NCOA1: variants seen among roughly 807,000 people sequenced by gnomAD.
NCOA1 encodes the protein nuclear receptor coactivator 1, also known as Hin-2 protein.
Under a neutral mutation model 150.9 loss-of-function variants are expected in NCOA1, and 35 were observed. The observed-to-expected ratio is 0.23, with a 90% CI of 0.18 to 0.31. The LOEUF is 0.31. NCOA1 is among the 10% of genes least tolerant of loss of function. The pLI, the probability that NCOA1 is intolerant of heterozygous loss-of-function variation, is 1.00. For synonymous variants in NCOA1, 590 were observed against 630.0 expected, an observed-to-expected ratio of 0.94 and a Z score of 0.95; for missense variants, 1,491 against 1,749.3, an observed-to-expected ratio of 0.85 and a Z score of 2.63.
intron 1 of NCOA1, among the ~76,000 whole-genome samples, chr2:24,521,984 C>T (rs914420794): frequency 6.6e-6 from 1 of 152,098 alleles, no homozygotes; most frequent in African/African-American, 2.4e-5. Flanking sequence ...CCCCTTCCTT[C>T]CCTATTCTCC....
chr2:24,731,186 T>C (rs17046499), intron 17 of NCOA1, among the ~76,000 whole-genome samples: 11,342 of 152,228 alleles, frequency 0.075, 510 homozygotes, highest in African/African-American at 0.12. Flanking sequence ...CCTGGAGACT[T>C]ACTAATTCAG....
chr2:24,686,051 G>T (rs574418579), intron 8 of NCOA1, among the ~76,000 whole-genome samples: 71 of 152,242 alleles, frequency 4.7e-4, no homozygotes, highest in Admixed American at 3.7e-3. Context: ...ACCCAGGCTG[G>T]AGTGCGATGG....
At chr2:24,642,037 T>TGTGTGTGTGTGTGTGTGTGCGCGCGCGC (rs942145000) in intron 3 of NCOA1, among the ~76,000 whole-genome samples, 2 of 138,558 alleles carry the variant, frequency 1.4e-5, no homozygotes, top group African/African-American at 5.1e-5. Context: ...TGTGTGTGTG[T>TGTGTGTGTGTGTGTGTGTGCGCGCGCGC]GCGCGCGTGC....
At chr2:24,560,628 C>T (rs1666259036) in intron 1 of NCOA1, among the ~76,000 whole-genome samples, 1 of 152,140 alleles carries the variant, frequency 6.6e-6, no homozygotes, top group African/African-American at 2.4e-5. Flanking sequence ...CTATTTCCTC[C>T]ATGAAGCCTT....
At chr2:24,558,382 G>A (rs1475382016) in intron 1 of NCOA1, among the ~76,000 whole-genome samples, 4 of 152,170 alleles carry the variant, frequency 2.6e-5, no homozygotes, top group African/African-American at 9.7e-5. Context: ...TGGACTTACA[G>A]TTCCACATGG....
At chr2:24,519,044 T>G (rs1336241918) in intron 1 of NCOA1, among the ~76,000 whole-genome samples, 3 of 152,190 alleles carry the variant, frequency 2.0e-5, no homozygotes, top group Non-Finnish European at 4.4e-5. Flanking sequence ...AAAAAAGTTG[T>G]AAGACTTACA....
Position 24,499,859 on chromosome 2 carries a change from G to C in NCOA1, c.-396+8257G>C, listed in dbSNP as rs555734786. On this transcript the variant is annotated intron_variant, in intron 1 of 22. Coordinates refer to ENST00000348332, the MANE Select transcript of NCOA1 (RefSeq NM_003743.5). ...TAGCCAACGTTACTCGTTACACGGA[G>C]GGAACAGTGTTGAAGACAACTAGTG... 8.5e-5 allele frequency among the ~76,000 whole-genome samples: 13 copies of C among 152,328 alleles called. No individual in the cohort carries two copies. The South Asian group carries it at 2.7e-3, about 32-fold the overall frequency.
At chr2:24,705,604 G>A (rs55827550) in intron 12 of NCOA1, among the ~76,000 whole-genome samples, 7,925 of 152,018 alleles carry the variant, frequency 0.052, 293 homozygotes, top group Non-Finnish European at 0.076. Flanking sequence ...GGCATACTTG[G>A]TGGCTCCTGA....
At chr2:24,767,201 TGAGTGTAA>T (rs1665109854) in intron 22 of NCOA1, among the ~76,000 whole-genome samples, 1 of 152,286 alleles carries the variant, frequency 6.6e-6, no homozygotes, top group African/African-American at 2.4e-5. Context: ...TTTAAAAAGC[TGAGTGTAA>T]TTGACATGAA....
At chr2:24,699,554 A>G (rs1673054625) in intron 11 of NCOA1, among the ~76,000 whole-genome samples, 1 of 152,100 alleles carries the variant, frequency 6.6e-6, no homozygotes, top group Non-Finnish European at 1.5e-5. Flanking sequence ...CCCTCATTCT[A>G]CTTTTTTTAG....
chr2:24,497,500 T>C (rs60565091), intron 1 of NCOA1, among the ~76,000 whole-genome samples: 37,684 of 151,888 alleles, frequency 0.25, 4,884 homozygotes, highest in East Asian at 0.31. Flanking sequence ...GGTGACACCC[T>C]GTCTCTACTA....
chr2:24,527,815 C>T (rs368832165), intron 1 of NCOA1, among the ~76,000 whole-genome samples: 3 of 152,150 alleles, frequency 2.0e-5, no homozygotes, highest in African/African-American at 2.4e-5. Flanking sequence ...TTCTCCATAC[C>T]GTTGCCAACA....
At chr2:24,586,551 G>C (rs990683224) in intron 3 of NCOA1, among the ~76,000 whole-genome samples, 2 of 152,122 alleles carry the variant, frequency 1.3e-5, no homozygotes, top group African/African-American at 4.8e-5. Flanking sequence ...CACAATCTCA[G>C]CTCACTGCAA....
intron 3 of NCOA1, among the ~76,000 whole-genome samples, chr2:24,635,328 C>A (rs995268532): frequency 8.5e-5 from 13 of 152,104 alleles, no homozygotes; most frequent in African/African-American, 3.1e-4. Context: ...TGCTCAGCCT[C>A]CCATCAGCAT....
chr2:24,561,942 G>A (rs915326289), intron 1 of NCOA1, among the ~76,000 whole-genome samples: 2 of 152,260 alleles, frequency 1.3e-5, no homozygotes, highest in East Asian at 3.9e-4. Context: ...ATACCTTAAT[G>A]TTGCTAGGAA....
At chr2:24,755,858 A>G (rs1558342746) in intron 20 of NCOA1, among the ~76,000 whole-genome samples, 1 of 152,206 alleles carries the variant, frequency 6.6e-6, no homozygotes, top group Non-Finnish European at 1.5e-5. Context: ...ATTAACTTAC[A>G]TAGCCTTGCT....
At chr2:24,616,030 A>T (rs1490018439) in intron 3 of NCOA1, among the ~76,000 whole-genome samples, 1 of 152,222 alleles carries the variant, frequency 6.6e-6, no homozygotes, top group Admixed American at 6.5e-5. Flanking sequence ...TTTCAAAGTA[A>T]AATAAAAATG....
At position 24,769,070 on chromosome 2, in the gene NCOA1, G is replaced by T. The variant is rs1404270976; in HGVS notation, c.*679G>T. On this transcript the variant is annotated 3_prime_UTR_variant, in exon 23 of 23. Coordinates refer to ENST00000348332, the MANE Select transcript of NCOA1 (RefSeq NM_003743.5). ...CAAAAAATACAGTTTGGGGGAAAAT[G>T]CAATAATTTTTGATGAGATGGGTGA... 2.3e-5 allele frequency: 5 copies of T among 214,176 alleles called. No individual in the cohort carries two copies. The highest frequency in any genetic ancestry group is 1.2e-4 in the Admixed American group (2 of 17,126). The allele number at this position is 214,176 out of a possible 1,614,324, so 13.3% of individuals were successfully genotyped here.
At chr2:24,753,913 C>T (rs55862012) in intron 20 of NCOA1, among the ~76,000 whole-genome samples, 93 of 152,332 alleles carry the variant, frequency 6.1e-4, no homozygotes, top group South Asian at 1.0e-3. Context: ...ACTTATAAGT[C>T]TAATAGGCAT....
Sources: gnomAD v4.1 joint callset for allele counts (sites outside exome capture counted in the v4.1 genomes callset) on GRCh38, gnomAD v4.1.1 for gene constraint, MANE v1.5 for transcripts, NCBI Gene and HGNC (gene_info 2026-07-23, HGNC 2026-07-21) for gene names.